Variants in RAD51B observed in about 807,000 individuals in gnomAD.
RAD51B encodes the protein RAD51 paralog B, also known as DNA repair protein RAD51 homolog 2.
Under a neutral mutation model 42.2 loss-of-function variants are expected in RAD51B, and 38 were observed. The observed-to-expected ratio is 0.90, with a 90% CI of 0.70 to 1.18. The LOEUF (loss-of-function observed/expected upper bound fraction) is 1.18. RAD51B is among the 50% of genes most tolerant of loss of function. The probability of loss-of-function intolerance (pLI) is 0.00; values close to 1 mark genes in which losing one functional copy is unlikely to be tolerated. For synonymous variants in RAD51B, 154 were observed against 145.2 expected (o/e 1.06, Z -0.43); for missense variants, 373 against 400.7 (o/e 0.93, Z 0.59).
intron 9 of RAD51B, among the ~76,000 whole-genome samples, chr14:68,425,959 TCTTTCTTTCTTTCTTTCTTC>T (rs1266594781): frequency 8.3e-5 from 9 of 108,986 alleles, no homozygotes; most frequent in African/African-American, 3.0e-4. Context: ...TTTCTTTCTT[TCTTTCTTTCTTTCTTTCTTC>T]CTTCCTTCCT....
At chr14:68,111,359 T>C (rs1446179251) in intron 7 of RAD51B, among the ~76,000 whole-genome samples, 2 of 152,120 alleles carry the variant, frequency 1.3e-5, no homozygotes, top group African/African-American at 4.8e-5. Flanking sequence ...GATTGGGTTC[T>C]ATTAGAGAAG....
intron 7 of RAD51B, among the ~76,000 whole-genome samples, chr14:68,140,571 C>T (rs1241094992): frequency 6.6e-6 from 1 of 152,200 alleles, no homozygotes; most frequent in African/African-American, 2.4e-5. Context: ...TATAATTTTA[C>T]CCTACTCTCT....
At chr14:68,585,739 T>G (rs1024955036) in intron 10 of RAD51B, among the ~76,000 whole-genome samples, 1 of 152,158 alleles carries the variant, frequency 6.6e-6, no homozygotes, top group South Asian at 2.1e-4. Context: ...ATGAGCCACG[T>G]TGGAGAGTGT....
At chr14:67,832,354 A>G (rs1157988286) in intron 3 of RAD51B, among the ~76,000 whole-genome samples, 2 of 152,218 alleles carry the variant, frequency 1.3e-5, no homozygotes, top group Admixed American at 6.5e-5. Flanking sequence ...TGTATATAGT[A>G]TACATGCCAA....
At chr14:68,372,509 C>G (rs998680413) in intron 8 of RAD51B, among the ~76,000 whole-genome samples, 1 of 152,084 alleles carries the variant, frequency 6.6e-6, no homozygotes, top group Non-Finnish European at 1.5e-5. Flanking sequence ...GATGCTCGTC[C>G]AAGTGTATGG....
intron 7 of RAD51B, among the ~76,000 whole-genome samples, chr14:68,079,681 A>G (rs1401777517): frequency 6.6e-6 from 1 of 152,208 alleles, no homozygotes; most frequent in Non-Finnish European, 1.5e-5. Context: ...AAAGTATATT[A>G]AAAACATTAA....
chr14:68,332,324 A>G (rs1182257405), intron 8 of RAD51B, among the ~76,000 whole-genome samples: 1 of 152,230 alleles, frequency 6.6e-6, no homozygotes, highest in East Asian at 1.9e-4. Flanking sequence ...TATATTATAC[A>G]TCTCTGCATA....
intron 10 of RAD51B, among the ~76,000 whole-genome samples, chr14:68,510,673 G>T (rs1000484731): frequency 6.6e-6 from 1 of 152,178 alleles, no homozygotes; most frequent in Non-Finnish European, 1.5e-5. Flanking sequence ...GCCACTTAAG[G>T]CTTCTGAGAG....
intron 7 of RAD51B, among the ~76,000 whole-genome samples, chr14:68,197,474 G>A (rs1468988535): frequency 6.6e-6 from 1 of 152,084 alleles, no homozygotes; most frequent in African/African-American, 2.4e-5. Context: ...GGGTTATTAT[G>A]AATAATGCCA....
intron 7 of RAD51B, among the ~76,000 whole-genome samples, chr14:67,923,285 T>C (rs1595112920): frequency 1.5e-5 from 2 of 136,856 alleles, no homozygotes; most frequent in East Asian, 2.0e-4. Context: ...TTTCTTTCTT[T>C]CTTTTTCTTT....
At chr14:68,468,122 C>T (rs751056292) in intron 9 of RAD51B, 50 bp from the exon 10 acceptor site, 1 of 1,503,934 alleles carries the variant, frequency 6.6e-7, no homozygotes. Context: ...TGAATAGAGG[C>T]CCATCCCTGA....
chr14:68,484,509 C>T (rs541640883), intron 10 of RAD51B, among the ~76,000 whole-genome samples: 2 of 152,068 alleles, frequency 1.3e-5, no homozygotes, highest in Admixed American at 1.3e-4. Context: ...AGGCGCCCAC[C>T]ACCACGCCCG....
At chr14:68,169,571 A>G (rs1231929984) in intron 7 of RAD51B, among the ~76,000 whole-genome samples, 1 of 152,144 alleles carries the variant, frequency 6.6e-6, no homozygotes, top group Non-Finnish European at 1.5e-5. Context: ...ACATTTAGAA[A>G]AGTTAACCTC....
intron 10 of RAD51B, among the ~76,000 whole-genome samples, chr14:68,601,348 G>A (rs1891210290): frequency 6.6e-6 from 1 of 152,136 alleles, no homozygotes; most frequent in African/African-American, 2.4e-5. Flanking sequence ...CCTGGCCACA[G>A]ACTAGCTTTG....
intron 9 of RAD51B, among the ~76,000 whole-genome samples, chr14:68,414,859 TAAAAAAAA>T (rs33968049): frequency 5.6e-5 from 4 of 71,212 alleles, no homozygotes; most frequent in Non-Finnish European, 7.9e-5. Context: ...CCATCTCTAC[TAAAAAAAA>T]AAAAAAAAAA....
chr14:68,190,734 A>C lies in RAD51B; in HGVS notation c.757-101150A>C, dbSNP rs1007445504. 2.0e-5 allele frequency among the ~76,000 whole-genome samples: 3 copies of C among 152,274 alleles called. No individual in the cohort carries two copies. In the South Asian group the frequency reaches 6.2e-4, roughly 32 times the overall value. ...TTCCTGACTCCATTTTTAAAAAGTT[A>C]GTTTTTACTTTTATGGTTAATTGTC... On this transcript the variant is annotated intron_variant, in intron 7 of 10. Transcript: ENST00000471583.
intron 7 of RAD51B, among the ~76,000 whole-genome samples, chr14:68,216,303 G>C (rs1004182031): frequency 6.6e-5 from 10 of 152,172 alleles, no homozygotes; most frequent in African/African-American, 2.4e-4. Context: ...GCGTTTGTTA[G>C]AGAGAACAAA....
At chr14:68,622,982 G>A (rs1001360868) in intron 10 of RAD51B, among the ~76,000 whole-genome samples, 1 of 152,184 alleles carries the variant, frequency 6.6e-6, no homozygotes, top group Non-Finnish European at 1.5e-5. Context: ...ACTGGATTCA[G>A]ATCTGAAAGC....
intron 9 of RAD51B, among the ~76,000 whole-genome samples, chr14:68,425,595 C>A (rs1312955869): frequency 1.3e-5 from 2 of 152,158 alleles, no homozygotes; most frequent in Non-Finnish European, 2.9e-5. Context: ...GGACTTAGCC[C>A]CCAGAACTGT....
Sources: allele counts gnomAD v4.1 joint callset (sites outside exome capture counted in the v4.1 genomes callset), GRCh38; gene constraint gnomAD v4.1.1; transcripts MANE v1.5; gene names NCBI Gene and HGNC (gene_info 2026-07-23, HGNC 2026-07-21).